Variants in PCLO observed in about 807,000 individuals in gnomAD.
PCLO encodes the protein piccolo presynaptic cytomatrix protein, also known as protein piccolo.
In PCLO, 82 loss-of-function variants were observed where a neutral mutation model predicts 427.5. The observed-to-expected ratio is 0.19, with a 90% CI of 0.16 to 0.23. PCLO has a LOEUF of 0.23. Among genes scored for constraint, PCLO ranks in the 10% least tolerant of loss-of-function variants. The pLI is 1.00. For synonymous variants in PCLO, 2,357 were observed against 2,155.4 expected (o/e 1.09, Z -2.59); for missense variants, 6,239 against 6,115.9 (o/e 1.02, Z -0.67).
At chr7:83,072,956 GTCTC>G (rs1345560342) in intron 3 of PCLO, among the ~76,000 whole-genome samples, 2 of 151,610 alleles carry the variant, frequency 1.3e-5, no homozygotes, top group Non-Finnish European at 3.0e-5. Flanking sequence ...TTCTCTTTCT[GTCTC>G]TCTGTCTCTC....
At chr7:82,893,427 G>T (rs1345491624) in intron 9 of PCLO, among the ~76,000 whole-genome samples, 1 of 152,006 alleles carries the variant, frequency 6.6e-6, no homozygotes, top group Non-Finnish European at 1.5e-5. Context: ...CTGTTGTGGG[G>T]TCAGGGAAGG....
At chr7:82,806,898 G>T (rs1791470162) in intron 20 of PCLO, among the ~76,000 whole-genome samples, 1 of 151,728 alleles carries the variant, frequency 6.6e-6, no homozygotes, top group Non-Finnish European at 1.5e-5. Context: ...ACTGTCAACA[G>T]CTGTTTCTTA....
intron 3 of PCLO, among the ~76,000 whole-genome samples, chr7:83,001,505 A>AACACACAC (rs3035080): frequency 0.031 from 4,554 of 149,112 alleles, 225 homozygotes; most frequent in African/African-American, 0.1. Context: ...CACACATACA[A>AACACACAC]ACACACACAC....
At chr7:82,887,672 C>T (rs1793658887) in intron 9 of PCLO, among the ~76,000 whole-genome samples, 1 of 152,106 alleles carries the variant, frequency 6.6e-6, no homozygotes, top group Admixed American at 6.6e-5. Context: ...TAAAAACTTC[C>T]TTTGTTACTG....
At chr7:83,024,779 C>T (rs1346084127) in intron 3 of PCLO, among the ~76,000 whole-genome samples, 1 of 152,182 alleles carries the variant, frequency 6.6e-6, no homozygotes, top group East Asian at 1.9e-4. Context: ...AGACTGCCTC[C>T]TCAAGTGGGT....
chr7:82,881,991 A>T (rs1793519037), intron 9 of PCLO, among the ~76,000 whole-genome samples: 1 of 152,120 alleles, frequency 6.6e-6, no homozygotes, highest in Non-Finnish European at 1.5e-5. Flanking sequence ...AAGATCAAGA[A>T]ATTTTTGAAG....
At chr7:82,911,203 A>G (rs942690564) in intron 7 of PCLO, among the ~76,000 whole-genome samples, 1 of 152,080 alleles carries the variant, frequency 6.6e-6, no homozygotes, top group Non-Finnish European at 1.5e-5. Flanking sequence ...CCTATGTGTA[A>G]CTGAATAAAG....
At position 82,955,132 on chromosome 7, in the gene PCLO, A is replaced by G; in HGVS notation, c.5821T>C (p.Phe1941Leu). ...CCACCATACAAAGGCTCTTTTTCAA[A>G]CACTTCATCTCGTTCATTTGCAGCT... Reference protein sequence around the residue: ...FPAANERDEVFEKEPLYGGML... With the variant: ...FPAANERDEVLEKEPLYGGML... The change falls in exon 5 of 25, where the codon TTT becomes CTT. Residue 1941 changes from phenylalanine to leucine, a missense_variant. Phe to Leu is a conservative substitution (Grantham distance 22, BLOSUM62 0). This residue lies in a region of PCLO where 4,677 missense variants were observed against 4,468.4 expected (regional missense o/e 1.05). Coordinates refer to ENST00000333891, the MANE Select transcript of PCLO (RefSeq NM_033026.6). 3 of 1,613,212 alleles carry G rather than the reference A, an allele frequency of 1.9e-6. No individual in the cohort carries two copies. The highest frequency in any genetic ancestry group is 2.5e-6 in the Non-Finnish European group (3 of 1,179,500).
At chr7:82,948,782 AC>A (rs1334251097) in intron 6 of PCLO, among the ~76,000 whole-genome samples, 1 of 152,168 alleles carries the variant, frequency 6.6e-6, no homozygotes, top group Non-Finnish European at 1.5e-5. Flanking sequence ...ATTAAAAGAA[AC>A]ATGAAAAATT....
At chr7:83,113,323 G>C (rs1791052525) in intron 3 of PCLO, among the ~76,000 whole-genome samples, 1 of 152,094 alleles carries the variant, frequency 6.6e-6, no homozygotes, top group Non-Finnish European at 1.5e-5. Flanking sequence ...CCCTCTGCAG[G>C]GATCACCACG....
chr7:83,026,375 TAA>T (rs1788497904), intron 3 of PCLO, among the ~76,000 whole-genome samples: 1 of 151,810 alleles, frequency 6.6e-6, no homozygotes, highest in South Asian at 2.1e-4. Flanking sequence ...TACATAATGG[TAA>T]AGGGATCAAT....
intron 3 of PCLO, among the ~76,000 whole-genome samples, chr7:83,005,971 A>G (rs537442641): frequency 4.6e-5 from 7 of 151,790 alleles, no homozygotes; most frequent in African/African-American, 1.4e-4. Flanking sequence ...AGTCAAAAGT[A>G]TGAATTTTTG....
intron 6 of PCLO, among the ~76,000 whole-genome samples, chr7:82,931,807 C>A (rs1223513985): frequency 6.6e-6 from 1 of 152,010 alleles, no homozygotes; most frequent in Non-Finnish European, 1.5e-5. Context: ...CTCATTAGAA[C>A]CAAGTTATTA....
rs777700733 is a variant in PCLO at position 82,953,598 on chromosome 7, G to A, written c.7355C>T (p.Ala2452Val). 2 of 1,612,920 alleles carry A rather than the reference G, an allele frequency of 1.2e-6. No individual in the cohort carries two copies. Among genetic ancestry groups the A allele is most frequent in the Non-Finnish European group, 1.7e-6 (2 of 1,179,472 alleles). ...AGTAACAGCATCAAACAGAGGTGTA[G>A]CTGTAGTCACTGGAGATGCAACTGT... ...KLTVASPVTT[A>V]TPLFDAVTTL... The change falls in exon 5 of 25, where the codon GCT (alanine) becomes GTT (valine). Residue 2452 changes from alanine to valine, a missense_variant. Transcript: ENST00000333891.
chr7:83,012,929 A>G (rs1788120442), intron 3 of PCLO, among the ~76,000 whole-genome samples: 2 of 152,130 alleles, frequency 1.3e-5, no homozygotes, highest in South Asian at 2.1e-4. Flanking sequence ...AGTTCAACCA[A>G]TGCAGAGAAG....
intron 22 of PCLO, among the ~76,000 whole-genome samples, chr7:82,762,772 T>C (rs1309649423): frequency 6.6e-6 from 1 of 152,024 alleles, no homozygotes; most frequent in Non-Finnish European, 1.5e-5. Context: ...AGAGGACAAC[T>C]GCATTCTCTT....
intron 9 of PCLO, among the ~76,000 whole-genome samples, chr7:82,891,070 T>C (rs922456040): frequency 6.6e-6 from 1 of 151,950 alleles, no homozygotes; most frequent in African/African-American, 2.4e-5. Flanking sequence ...AAAAATCTTC[T>C]CCTATATTTG....
rs1252195806 is a variant in PCLO at position 82,756,026 on chromosome 7, A to T, written c.*2549T>A. 6.6e-6 allele frequency: 1 copy of T among 152,118 alleles called. No homozygotes were observed. The highest frequency in any genetic ancestry group is 1.5e-5 in the Non-Finnish European group (1 of 68,030). 9.4% of individuals were successfully genotyped at this position (152,118 alleles called of 1,614,324 possible). On this transcript the variant is annotated 3_prime_UTR_variant, in exon 25 of 25. Transcript: ENST00000333891. ...GGGCTTCTATAATGGAAAGACTCCT[A>T]CGCTTTCAGGTTAAATAGCTACCAA... is the stretch of plus-strand genomic sequence containing the variant.
intron 1 of PCLO, among the ~76,000 whole-genome samples, chr7:83,159,903 G>C (rs1316259871): frequency 6.6e-6 from 1 of 152,074 alleles, no homozygotes; most frequent in Non-Finnish European, 1.5e-5. Flanking sequence ...CATAAAACTA[G>C]TTAGTCACAG....
Sources: allele counts gnomAD v4.1 joint callset (sites outside exome capture counted in the v4.1 genomes callset), GRCh38; gene constraint gnomAD v4.1.1; regional missense constraint gnomAD v4.1.1; transcripts MANE v1.5; gene names NCBI Gene and HGNC (gene_info 2026-07-23, HGNC 2026-07-21).